Variants in HS6ST3 observed in about 807,000 individuals in gnomAD.
The protein encoded by HS6ST3 is heparan-sulfate 6-O-sulfotransferase 3.
In HS6ST3, 12 loss-of-function variants were observed where a neutral mutation model predicts 36.7. That is an observed-to-expected ratio of 0.33 (90% confidence interval 0.21 to 0.53). The LOEUF (loss-of-function observed/expected upper bound fraction) is 0.53. HS6ST3 is among the 20% of genes least tolerant of loss of function. The pLI is 0.95. For synonymous variants in HS6ST3, 240 were observed against 257.5 expected, an observed-to-expected ratio of 0.93 and a Z score of 0.65; for missense variants, 584 against 640.9, an observed-to-expected ratio of 0.91 and a Z score of 0.96.
intron 1 of HS6ST3, among the ~76,000 whole-genome samples, chr13:96,661,976 G>A (rs550123913): frequency 1.3e-5 from 2 of 152,194 alleles, no homozygotes; most frequent in South Asian, 4.1e-4. Context: ...TTTATGACTG[G>A]TGGTATTTCC....
chr13:96,235,985 G>A (rs1181986161), intron 1 of HS6ST3, among the ~76,000 whole-genome samples: 1 of 152,170 alleles, frequency 6.6e-6, no homozygotes, highest in East Asian at 1.9e-4. Context: ...AAGTACGGAA[G>A]CCAACAGTGC....
intron 1 of HS6ST3, among the ~76,000 whole-genome samples, chr13:96,790,897 A>AACAT (rs972055558): frequency 1.3e-5 from 2 of 152,050 alleles, no homozygotes; most frequent in Non-Finnish European, 2.9e-5. Flanking sequence ...TAAACATTTA[A>AACAT]ACATTTCCCT....
At chr13:96,632,483 G>A (rs747483454) in intron 1 of HS6ST3, among the ~76,000 whole-genome samples, 3 of 152,052 alleles carry the variant, frequency 2.0e-5, no homozygotes, top group Non-Finnish European at 2.9e-5. Flanking sequence ...CAGCTAATAT[G>A]CTTTGATTTC....
rs189791327 is a variant in HS6ST3, at chr13:96,100,987, A to G, written c.707+9418A>G. On this transcript the variant is annotated intron_variant, in intron 1 of 1. Transcript: ENST00000376705. ...ACCATTAGTCTCCACCTAAAGAATG[A>G]TGAGTGCAGCAAAGGGCCGCTCTCC... Among the ~76,000 whole-genome samples, 94 of 152,302 alleles carry G rather than the reference A, an allele frequency of 6.2e-4. No individual in the cohort carries two copies. In the Middle Eastern group the frequency reaches 0.014, roughly 22 times the overall value.
chr13:96,718,491 A>C (rs981422939), intron 1 of HS6ST3, among the ~76,000 whole-genome samples: 1 of 152,288 alleles, frequency 6.6e-6, no homozygotes, highest in African/African-American at 2.4e-5. Flanking sequence ...CAAAAAGGGC[A>C]AAAAAGAAAT....
chr13:96,666,372 A>G (rs2056664342), intron 1 of HS6ST3, among the ~76,000 whole-genome samples: 1 of 151,966 alleles, frequency 6.6e-6, no homozygotes. Flanking sequence ...GCTCAATATT[A>G]TTTTTCTTTT....
At chr13:96,309,234 G>T (rs893196299) in intron 1 of HS6ST3, among the ~76,000 whole-genome samples, 2 of 152,036 alleles carry the variant, frequency 1.3e-5, no homozygotes. Context: ...GAAGAAGGAG[G>T]GGGTGGCATT....
chr13:96,515,882 C>T (rs576990709), intron 1 of HS6ST3, among the ~76,000 whole-genome samples: 62 of 152,124 alleles, frequency 4.1e-4, no homozygotes, highest in African/African-American at 1.5e-3. Flanking sequence ...TTTATAGCAG[C>T]GTATAGTATA....
At chr13:96,399,116 A>C (rs4771945) in intron 1 of HS6ST3, among the ~76,000 whole-genome samples, 2 of 152,088 alleles carry the variant, frequency 1.3e-5, no homozygotes, top group Non-Finnish European at 2.9e-5. Context: ...CTATGCAGCA[A>C]TAGATAACTA....
chr13:96,347,719 C>G lies in HS6ST3; in HGVS notation c.707+256150C>G, dbSNP rs564099686. Among the ~76,000 whole-genome samples the G allele has an allele frequency of 7.9e-5, 12 of 152,310 alleles. No individual in the cohort carries two copies. In the South Asian group the frequency reaches 2.3e-3, roughly 29 times the overall value. ...TGGTCTGTGCTTGGGAAAAATTCCA[C>G]TCTATCCTCAGCTCCCTTTTGCTAT... is the stretch of plus-strand genomic sequence containing the variant. On this transcript the variant is annotated intron_variant, in intron 1 of 1. Coordinates refer to ENST00000376705, the MANE Select transcript of HS6ST3 (RefSeq NM_153456.4).
intron 1 of HS6ST3, among the ~76,000 whole-genome samples, chr13:96,576,714 G>A (rs1365725669): frequency 2.6e-5 from 4 of 151,962 alleles, no homozygotes; most frequent in Non-Finnish European, 5.9e-5. Flanking sequence ...GGCCAAGGCA[G>A]GCAGATCACC....
chr13:96,351,968 A>G (rs2055186239), intron 1 of HS6ST3, among the ~76,000 whole-genome samples: 1 of 152,220 alleles, frequency 6.6e-6, no homozygotes, highest in Admixed American at 6.5e-5. Flanking sequence ...GAACAGCAAC[A>G]CAAATAATAA....
intron 1 of HS6ST3, among the ~76,000 whole-genome samples, chr13:96,237,553 A>G (rs2054540332): frequency 6.6e-6 from 1 of 152,182 alleles, no homozygotes; most frequent in Non-Finnish European, 1.5e-5. Flanking sequence ...AATAAACCTC[A>G]AATAGTTGAC....
chr13:96,795,476 G>A (rs180891815), intron 1 of HS6ST3, among the ~76,000 whole-genome samples: 52 of 152,076 alleles, frequency 3.4e-4, no homozygotes, highest in African/African-American at 5.8e-4. Context: ...CATCAGTGGC[G>A]GAAGCAGGAT....
At chr13:96,821,470 A>G (rs1234418092) in intron 1 of HS6ST3, among the ~76,000 whole-genome samples, 2 of 152,248 alleles carry the variant, frequency 1.3e-5, no homozygotes, top group African/African-American at 4.8e-5. Context: ...GTGAATTACA[A>G]ACATCATCTA....
intron 1 of HS6ST3, among the ~76,000 whole-genome samples, chr13:96,494,058 C>T (rs368184680): frequency 3.3e-5 from 5 of 152,084 alleles, no homozygotes; most frequent in Non-Finnish European, 7.4e-5. Context: ...AGAATAACCC[C>T]TGGAGCTTGC....
At chr13:96,334,916 C>A (rs1224319305) in intron 1 of HS6ST3, among the ~76,000 whole-genome samples, 1 of 152,206 alleles carries the variant, frequency 6.6e-6, no homozygotes, top group Non-Finnish European at 1.5e-5. Context: ...TCTTTATAGT[C>A]ATTCTTCAAG....
intron 1 of HS6ST3, among the ~76,000 whole-genome samples, chr13:96,356,946 A>G (rs1158436127): frequency 1.3e-5 from 2 of 152,204 alleles, no homozygotes; most frequent in South Asian, 2.1e-4. Context: ...GACCTTTTGG[A>G]TAACTTGCTT....
At chr13:96,362,495 T>C (rs1050409561) in intron 1 of HS6ST3, among the ~76,000 whole-genome samples, 10 of 152,218 alleles carry the variant, frequency 6.6e-5, no homozygotes, top group African/African-American at 2.4e-4. Flanking sequence ...TTCTGAGCAA[T>C]AGGAAGCTCT....
Sources: gnomAD v4.1 joint callset for allele counts (sites outside exome capture counted in the v4.1 genomes callset) on GRCh38, gnomAD v4.1.1 for gene constraint, MANE v1.5 for transcripts, NCBI Gene and HGNC (gene_info 2026-07-23, HGNC 2026-07-21) for gene names.